TRRAP: variants seen among roughly 807,000 people sequenced by gnomAD.
TRRAP encodes transformation/transcription domain-associated protein.
A neutral mutation model predicts 438.8 loss-of-function variants in TRRAP; 41 were observed. The ratio of observed to expected loss-of-function variants is 0.09; its 90% confidence interval spans 0.07 to 0.12. The LOEUF is 0.12. Ranked by LOEUF, TRRAP falls within the 10% of genes least tolerant of loss-of-function variation. The pLI is 1.00. For synonymous variants in TRRAP, 1,994 were observed against 1,962.9 expected (o/e 1.02, Z -0.42); for missense variants, 3,122 against 5,055.1 (o/e 0.62, Z 11.60).
At chr7:98,963,311 G>T (rs376506922) in intron 47 of TRRAP, among the ~76,000 whole-genome samples, 1 of 152,208 alleles carries the variant, frequency 6.6e-6, no homozygotes, top group Non-Finnish European at 1.5e-5. Flanking sequence ...CAGCAGCTGG[G>T]TGCGGAGAGT....
chr7:98,944,811 A>AT (rs151179763), intron 31 of TRRAP, among the ~76,000 whole-genome samples: 44 of 147,696 alleles, frequency 3.0e-4, no homozygotes, highest in Middle Eastern at 3.4e-3. Context: ...GCCCTCGAGC[A>AT]TTTTTTTTTT....
At chr7:98,884,772 G>C (rs985084510) in intron 3 of TRRAP, among the ~76,000 whole-genome samples, 6 of 152,114 alleles carry the variant, frequency 3.9e-5, no homozygotes, top group Non-Finnish European at 5.9e-5. Context: ...CCAGCTTGCT[G>C]AACCCCAGTT....
intron 69 of TRRAP, among the ~76,000 whole-genome samples, chr7:99,006,150 TG>T (rs773089412): frequency 2.4e-4 from 36 of 152,206 alleles, no homozygotes; most frequent in Admixed American, 2.1e-3. Flanking sequence ...GTGAGTGGCC[TG>T]ATTGTACCGG....
intron 1 of TRRAP, among the ~76,000 whole-genome samples, chr7:98,880,265 T>TTG (rs1474982624): frequency 1.5e-5 from 2 of 136,946 alleles, no homozygotes; most frequent in African/African-American, 2.9e-5. Context: ...TGTTGTTGTT[T>TTG]TTTTTTTTTT....
chr7:98,909,019 A>ATTT (rs879955419), intron 14 of TRRAP, 57 bp downstream of exon 14: 629 of 1,089,068 alleles, frequency 5.8e-4, no homozygotes, highest in Middle Eastern at 1.1e-3. Flanking sequence ...TTGTGGCTAA[A>ATTT]TTTTTTTTTT....
chr7:98,892,454 C>G lies in TRRAP; in HGVS notation c.292C>G (p.His98Asp). 1 of 1,611,822 alleles carries G rather than the reference C, an allele frequency of 6.2e-7. No homozygotes were observed. The highest frequency in any genetic ancestry group is 8.5e-7 in the Non-Finnish European group (1 of 1,179,608). ...QLRKLVLEIIHRIPTNEHLRP... is the reference protein window; with the variant it reads ...QLRKLVLEIIDRIPTNEHLRP... Reference sequence around the variant, plus strand: ...GCGGAAGCTCGTACTTGAAATAATTCATAGAATACCAACCAACGAACATCT... The same window carrying G: ...GCGGAAGCTCGTACTTGAAATAATTGATAGAATACCAACCAACGAACATCT... The change falls in exon 5 of 73, where the codon CAT becomes GAT. Residue 98 changes from histidine to aspartate, a missense_variant. His to Asp is a moderately conservative substitution (Grantham distance 81, BLOSUM62 -1). Around this residue, in one of 24 missense-constraint regions of TRRAP, gnomAD observed 343 missense variants for 564.0 expected, o/e 0.61. Coordinates refer to ENST00000456197, the MANE Select transcript of TRRAP (RefSeq NM_001375524.1).
At chr7:98,891,936 A>G (rs1207669138) in intron 4 of TRRAP, among the ~76,000 whole-genome samples, 1 of 152,230 alleles carries the variant, frequency 6.6e-6, no homozygotes, top group Non-Finnish European at 1.5e-5. Context: ...GTGAGACCTT[A>G]CATATTTGAC....
intron 28 of TRRAP, 48 bp downstream of exon 28, chr7:98,935,723 C>A: frequency 6.9e-7 from 1 of 1,449,420 alleles, no homozygotes; most frequent in South Asian, 1.4e-5. Flanking sequence ...GGAGACTGAC[C>A]ACAGGAGGTC....
Position 99,008,452 on chromosome 7 carries a change from T to G in TRRAP, c.10829T>G (p.Ile3610Ser). Residue 3610 changes from isoleucine (I) to serine (S), a missense_variant, in exon 70 of 73, where the codon ATC becomes AGC. Physicochemically the swap from Ile to Ser is moderately radical, Grantham distance 142. Coordinates refer to ENST00000456197, the MANE Select transcript of TRRAP (RefSeq NM_001375524.1). ...CCCTCTTCACTTTCCCTTGTGGAGA[T>G]CTACAAGCAGCGCTGCGCCAAGAAG... ...DNPSSLSLVE[I>S]YKQRCAKKGI... 6.2e-7 allele frequency: 1 copy of G among 1,614,166 alleles called. No homozygotes were observed. The highest frequency in any genetic ancestry group is 8.5e-7 in the Non-Finnish European group (1 of 1,180,020).
chr7:98,914,334 T>C (rs576691953), intron 18 of TRRAP, among the ~76,000 whole-genome samples: 63 of 152,052 alleles, frequency 4.1e-4, no homozygotes, highest in Admixed American at 1.1e-3. Flanking sequence ...AGCCAGGAGG[T>C]TGAGGCTGCA....
chr7:98,922,042 T>C, intron 21 of TRRAP, 89 bp downstream of exon 21: 1 of 1,543,150 alleles, frequency 6.5e-7, no homozygotes. Flanking sequence ...ACCTGTGTCT[T>C]AGGCAATCTC....
chr7:98,981,154 C>T lies in TRRAP; in HGVS notation c.8635-615C>T, dbSNP rs150798851. ...CGGTGGCTCATGCCTGTAATCCCAGCACTTTGGGAGGCTGAGGCAGGCAGA... is the reference window on the plus strand; with the variant it reads ...CGGTGGCTCATGCCTGTAATCCCAGTACTTTGGGAGGCTGAGGCAGGCAGA... On this transcript the variant is annotated intron_variant, in intron 58 of 72. Coordinates refer to ENST00000456197, the MANE Select transcript of TRRAP (RefSeq NM_001375524.1). Among the ~76,000 whole-genome samples the T allele has an allele frequency of 1.5e-3, 232 of 152,300 alleles. 1 individual carries two copies. Among genetic ancestry groups the T allele is most frequent in the African/African-American group, 5.4e-3 (223 of 41,554 alleles).
Position 98,956,135 on chromosome 7 carries a change from T to C in TRRAP, c.5938-11T>C. ...CCATGTTCCGGCGTGATGCTGGCCC[T>C]GCGTCCGCAGGTGTACTACCCGGTA... On this transcript the variant is annotated splice_polypyrimidine_tract_variant and intron_variant, in intron 41 of 72. Coordinates refer to ENST00000456197, the MANE Select transcript of TRRAP (RefSeq NM_001375524.1). The surrounding 1 kb of genome is among the most constrained non-coding windows in gnomAD (Gnocchi z 4.5). The C allele has an allele frequency of 6.2e-7, 1 of 1,606,492 alleles. No individual in the cohort carries two copies. The highest frequency in any genetic ancestry group is 8.5e-7 in the Non-Finnish European group (1 of 1,176,456).
intron 70 of TRRAP, 126 bp from the exon 71 acceptor site, chr7:99,010,926 C>A: frequency 1.0e-6 from 1 of 996,430 alleles, no homozygotes; most frequent in Non-Finnish European, 1.5e-6. Context: ...TGCGTTAAAT[C>A]TGTCACCAGA....
In TRRAP at chr7:98,908,259, G is replaced by C. The variant is rs1293205505; in HGVS notation, c.1116-469G>C. On this transcript the variant is annotated intron_variant, in intron 13 of 72. Coordinates refer to ENST00000456197, the MANE Select transcript of TRRAP (RefSeq NM_001375524.1). The surrounding 1 kb of genome is among the most constrained non-coding windows in gnomAD (Gnocchi z 4.1). ...GACTGGGGCTCTACTTGGGTCACTG[G>C]GGTGTCCCTGGCAGGCCCAGGATCT... 3.3e-5 allele frequency among the ~76,000 whole-genome samples: 5 copies of C among 152,182 alleles called. No individual in the cohort carries two copies. Among genetic ancestry groups the C allele is most frequent in the African/African-American group, 4.8e-5 (2 of 41,446 alleles).
chr7:98,928,338 C>T (rs1390770781), intron 23 of TRRAP, among the ~76,000 whole-genome samples: 2 of 152,232 alleles, frequency 1.3e-5, no homozygotes, highest in Admixed American at 6.5e-5. Context: ...CCAGACCAGT[C>T]ACAGTTCGTC....
chr7:98,933,107 A>G, intron 26 of TRRAP, 134 bp from the exon 27 acceptor site: 1 of 1,246,200 alleles, frequency 8.0e-7, no homozygotes, highest in Non-Finnish European at 1.1e-6. Context: ...TTGCACATGA[A>G]ATGTATCTCC....
intron 67 of TRRAP, chr7:98,999,617 C>CAG (rs1323970415): frequency 3.7e-6 from 3 of 811,746 alleles, no homozygotes; most frequent in Non-Finnish European, 6.4e-6. Flanking sequence ...TTGCATAGAG[C>CAG]AGAGAGCTGA....
Position 98,937,281 on chromosome 7 carries a change from AGT to A in TRRAP, c.4233+12_4233+13del, listed in dbSNP as rs1448950384. 13 of 1,600,956 alleles carry A rather than the reference AGT, an allele frequency of 8.1e-6. No homozygotes were observed. The highest frequency in any genetic ancestry group is 2.2e-5 in the South Asian group (2 of 90,650). On this transcript the variant is annotated splice_donor_5th_base_variant and intron_variant, in intron 29 of 72. Transcript: ENST00000456197. ...CGGAGAAGCCTGTATGAGAAAGGTG[AGT>A]GTGTGTGCGTGCGTGTATGCGCACG... is the stretch of plus-strand genomic sequence containing the variant.
Sources: allele counts gnomAD v4.1 joint callset (sites outside exome capture counted in the v4.1 genomes callset), GRCh38; gene constraint gnomAD v4.1.1; regional missense constraint gnomAD v4.1.1; non-coding constraint Gnocchi (gnomAD v3.1); transcripts MANE v1.5; gene names NCBI Gene and HGNC (gene_info 2026-07-23, HGNC 2026-07-21).